TSEN15: variants seen among roughly 807,000 people sequenced by gnomAD.
TSEN15 encodes the protein tRNA splicing endonuclease subunit 15.
In TSEN15, 10 loss-of-function variants were observed where a neutral mutation model predicts 20.5. That is an observed-to-expected ratio of 0.49 (90% CI 0.30 to 0.83). The LOEUF is 0.83. Ranked by LOEUF, TSEN15 falls within the 40% of genes least tolerant of loss-of-function variation. The pLI, the probability that TSEN15 is intolerant of heterozygous loss-of-function variation, is 0.06. For missense variants in TSEN15, 180 were observed against 218.6 expected (o/e 0.82, Z 1.11); for synonymous variants, 72 against 80.1 (o/e 0.90, Z 0.54).
intron 3 of TSEN15, among the ~76,000 whole-genome samples, chr1:184,092,953 A>G (rs917915923): frequency 6.6e-6 from 1 of 152,204 alleles, no homozygotes; most frequent in Non-Finnish European, 1.5e-5. Context: ...AAGAATGAGA[A>G]CTTGCAGCTC....
intron 3 of TSEN15, among the ~76,000 whole-genome samples, chr1:184,056,847 G>T (rs1429422340): frequency 6.6e-6 from 1 of 152,014 alleles, no homozygotes. Flanking sequence ...CAGTTTATCT[G>T]TCCTTTTGCC....
chr1:184,070,669 T>C, intron 3 of TSEN15: 1 of 1,290,456 alleles, frequency 7.7e-7, no homozygotes, highest in Non-Finnish European at 1.0e-6. Flanking sequence ...TTAAAAGATT[T>C]GCATTGAAGA....
rs1572701559 is a variant in TSEN15, at chr1:184,054,866, G to A, written c.353+3G>A. ...ACTGCTTCCCTCAGCCATAACAGGT[G>A]AGCAGGTGATTTTGGTCTAAGTTCC... On this transcript the variant is annotated splice_donor_region_variant and intron_variant, in intron 3 of 4. Coordinates refer to ENST00000645668, the MANE Select transcript of TSEN15 (RefSeq NM_052965.4). 6.2e-7 allele frequency: 1 copy of A among 1,608,234 alleles called. No individual in the cohort carries two copies. The highest frequency in any genetic ancestry group is 8.5e-7 in the Non-Finnish European group (1 of 1,177,398).
At chr1:184,063,954 C>G (rs940471211) in intron 3 of TSEN15, among the ~76,000 whole-genome samples, 1 of 152,056 alleles carries the variant, frequency 6.6e-6, no homozygotes, top group Non-Finnish European at 1.5e-5. Context: ...TAATTATATA[C>G]TACCTAGAGG....
rs1033370960 is a variant in TSEN15, at chr1:184,073,564, A to G, written c.*717A>G. 1.3e-5 allele frequency: 2 copies of G among 152,620 alleles called. No individual in the cohort carries two copies. Among genetic ancestry groups the G allele is most frequent in the Non-Finnish European group, 2.9e-5 (2 of 68,030 alleles). The allele number at this position is 152,620 out of a possible 1,614,324, so 9.5% of individuals were successfully genotyped here. ...AACAGTGTGGGAGAGAATCAACCGT[A>G]AAAATGTCTTCATTAATTAGACCCA... On this transcript the variant is annotated 3_prime_UTR_variant, in exon 5 of 5. Coordinates refer to ENST00000645668, the MANE Select transcript of TSEN15 (RefSeq NM_052965.4).
rs1650952336 is a variant in TSEN15, at chr1:184,073,080, TAC to T, written c.*235_*236del. The T allele has an allele frequency of 2.0e-6, 1 of 502,300 alleles. No individual in the cohort carries two copies. The highest frequency in any genetic ancestry group is 2.0e-5 in the African/African-American group (1 of 49,726). The allele number at this position is 502,300 out of a possible 1,614,324, so 31.1% of individuals were successfully genotyped here. On this transcript the variant is annotated 3_prime_UTR_variant, in exon 5 of 5. Transcript: ENST00000645668. ...CTTTGTTATCTAGAGACAGTTTAAT[TAC>T]AGTTATATACAGGTTTATGCCTAGG...
downstream of TSEN15, among the ~76,000 whole-genome samples, chr1:184,075,251 C>A (rs17572532): frequency 1.3e-5 from 2 of 151,944 alleles, no homozygotes; most frequent in African/African-American, 4.8e-5. Flanking sequence ...TGTACTTCAC[C>A]AAAGTTGTTC....
downstream of TSEN15, among the ~76,000 whole-genome samples, chr1:184,079,105 G>A (rs1044307261): frequency 4.6e-5 from 7 of 152,062 alleles, no homozygotes; most frequent in African/African-American, 9.7e-5. Context: ...GCCAATAACC[G>A]TTCCTTACCA....
chr1:184,055,213 T>C (rs1650204803), intron 3 of TSEN15: 1 of 185,624 alleles, frequency 5.4e-6, no homozygotes, highest in Non-Finnish European at 1.1e-5. Flanking sequence ...AGGCACATCA[T>C]ATGGCAAAAG....
chr1:184,070,075 G>A (rs1053352604), intron 3 of TSEN15, among the ~76,000 whole-genome samples: 3 of 151,888 alleles, frequency 2.0e-5, no homozygotes, highest in African/African-American at 7.3e-5. Flanking sequence ...TTCCTGCATG[G>A]GTATTTGGGG....
rs144396387 is a variant in TSEN15, at chr1:184,067,119, C to T, written c.354-5038C>T. Among the ~76,000 whole-genome samples the T allele has an allele frequency of 3.1e-3, 470 of 152,084 alleles. 2 individuals are homozygous for T. Among genetic ancestry groups the T allele is most frequent in the African/African-American group, 7.4e-3 (306 of 41,480 alleles). On this transcript the variant is annotated intron_variant, in intron 3 of 4. Coordinates refer to ENST00000645668, the MANE Select transcript of TSEN15 (RefSeq NM_052965.4). The stretch of plus-strand genomic sequence containing the variant: ...GGACTTTTGTATATTATCCTTGTAT[C>T]CTGTAACCTTGCTATAATCTCTTAG...
chr1:184,092,019 G>A (rs1014242326), intron 3 of TSEN15, among the ~76,000 whole-genome samples: 4 of 152,220 alleles, frequency 2.6e-5, no homozygotes, highest in Admixed American at 6.5e-5. Context: ...GGAAGATGGA[G>A]ACCTGTGGAA....
intron 3 of TSEN15, among the ~76,000 whole-genome samples, chr1:184,069,614 G>T (rs763603767): frequency 2.0e-5 from 3 of 151,976 alleles, no homozygotes; most frequent in Non-Finnish European, 4.4e-5. Context: ...ATCATATGTG[G>T]TTTTTTAAGA....
chr1:184,078,251 A>G (rs2102899835), downstream of TSEN15, among the ~76,000 whole-genome samples: 1 of 152,306 alleles, frequency 6.6e-6, no homozygotes, highest in East Asian at 1.9e-4. Context: ...AGCCTCTTTC[A>G]CAATAAAGTA....
downstream of TSEN15, among the ~76,000 whole-genome samples, chr1:184,077,225 C>T (rs748248993): frequency 6.6e-6 from 1 of 152,044 alleles, no homozygotes; most frequent in Non-Finnish European, 1.5e-5. Flanking sequence ...TCTGAAAATC[C>T]TGGAGTCCTT....
intron 3 of TSEN15, among the ~76,000 whole-genome samples, chr1:184,087,910 A>G (rs966719169): frequency 2.0e-5 from 3 of 152,180 alleles, no homozygotes; most frequent in Non-Finnish European, 4.4e-5. Context: ...TTTGGTTGAG[A>G]TAGTATCGGA....
chr1:184,067,223 A>G (rs1650699776), intron 3 of TSEN15, among the ~76,000 whole-genome samples: 1 of 152,140 alleles, frequency 6.6e-6, no homozygotes, highest in South Asian at 2.1e-4. Context: ...TACATCCAGA[A>G]TCTGTCCATT....
intron 3 of TSEN15, among the ~76,000 whole-genome samples, chr1:184,061,774 TA>T (rs1650464332): frequency 6.6e-6 from 1 of 152,202 alleles, no homozygotes; most frequent in Admixed American, 6.5e-5. Context: ...GAACAGTTTT[TA>T]GTGTCTGCTT....
chr1:184,096,243 C>T (rs1651447079), exon 4 of TSEN15: 1 of 152,270 alleles, frequency 6.6e-6, no homozygotes, highest in Non-Finnish European at 1.5e-5. Context: ...ACTACTTATC[C>T]ATCAGGCAAA....
Sources: allele counts gnomAD v4.1 joint callset (sites outside exome capture counted in the v4.1 genomes callset), GRCh38; gene constraint gnomAD v4.1.1; transcripts MANE v1.5; gene names NCBI Gene and HGNC (gene_info 2026-07-23, HGNC 2026-07-21).